SERGEF: variants seen among roughly 807,000 people sequenced by gnomAD.
SERGEF encodes the protein secretion-regulating guanine nucleotide exchange factor.
SERGEF carries 51 observed loss-of-function variants against 50.0 expected under a neutral mutation model. The observed-to-expected ratio is 1.02, with a 90% CI of 0.81 to 1.29. The LOEUF (loss-of-function observed/expected upper bound fraction) is 1.29. Ranked by LOEUF, SERGEF falls within the 50% of genes most tolerant of loss-of-function variation. The probability of loss-of-function intolerance (pLI) is 0.00; values close to 1 mark genes in which losing one functional copy is unlikely to be tolerated. For synonymous variants in SERGEF, 205 were observed against 212.4 expected (o/e 0.97, Z 0.30); for missense variants, 521 against 557.0 (o/e 0.94, Z 0.65).
Position 17,798,877 on chromosome 11 carries a change from G to T in SERGEF, c.1049-10464C>A, listed in dbSNP as rs148451267. Among the ~76,000 whole-genome samples, 327 of 152,334 alleles carry T rather than the reference G, an allele frequency of 2.1e-3. 1 individual carries two copies. Among genetic ancestry groups the T allele is most frequent in the African/African-American group, 7.7e-3 (319 of 41,576 alleles). Reference sequence around the variant, plus strand: ...TCACACTCTGTGGATGAGGAAACAGGCTGGGAGAGGTCCAGAAGCAAGCAC... The same window carrying T: ...TCACACTCTGTGGATGAGGAAACAGTCTGGGAGAGGTCCAGAAGCAAGCAC... On this transcript the variant is annotated intron_variant, in intron 10 of 10. Transcript: ENST00000265965.
At position 17,991,453 on chromosome 11, in the gene SERGEF, GA is replaced by G. The variant is rs1853709676; in HGVS notation, c.685+1477del. 6.6e-6 allele frequency among the ~76,000 whole-genome samples: 1 copy of G among 152,094 alleles called. No homozygotes were observed. Among genetic ancestry groups the G allele is most frequent in the South Asian group, 2.1e-4 (1 of 4,816 alleles). ...ACCTCGTAGTCTACTTTTATTCTCA[GA>G]AAAGAATGCCTTCTCCATCCCTCAT... On this transcript the variant is annotated intron_variant, in intron 7 of 10. Coordinates refer to ENST00000265965, the MANE Select transcript of SERGEF (RefSeq NM_012139.4). This position sits in a 1 kb window ranked among gnomAD's most constrained non-coding sequence, Gnocchi z 4.9.
intron 2 of SERGEF, among the ~76,000 whole-genome samples, chr11:18,007,208 G>A (rs1035424626): frequency 8.5e-5 from 13 of 152,094 alleles, no homozygotes; most frequent in Admixed American, 5.9e-4. Context: ...AATCTGGAGT[G>A]GATTCTATTA....
chr11:18,006,571 C>T lies in SERGEF; in HGVS notation c.352+20G>A, dbSNP rs1265981362. 1.9e-6 allele frequency: 3 copies of T among 1,604,124 alleles called. No homozygotes were observed. The highest frequency in any genetic ancestry group is 1.3e-5 in the African/African-American group (1 of 74,252). On this transcript the variant is annotated intron_variant, in intron 3 of 10. Coordinates refer to ENST00000265965, the MANE Select transcript of SERGEF (RefSeq NM_012139.4). ...CCAAAGCCTTTGTGGTGACAAAAAT[C>T]TACCTAGGAGTGAACTCACCTGTGA...
At chr11:17,835,692 C>T (rs1850385452) in intron 10 of SERGEF, among the ~76,000 whole-genome samples, 1 of 152,154 alleles carries the variant, frequency 6.6e-6, no homozygotes, top group Non-Finnish European at 1.5e-5. Flanking sequence ...ACTCAAATCC[C>T]AATTAAAATC....
chr11:18,000,471 TA>T, intron 5 of SERGEF, 25 bp downstream of exon 5: 4 of 1,498,990 alleles, frequency 2.7e-6, no homozygotes, highest in South Asian at 1.3e-5. Context: ...AAAATAAAAA[TA>T]AAAAAATAAA....
At chr11:17,944,767 A>G (rs1490275471) in intron 9 of SERGEF, among the ~76,000 whole-genome samples, 1 of 152,226 alleles carries the variant, frequency 6.6e-6, no homozygotes, top group Non-Finnish European at 1.5e-5. Context: ...CAGATCTCAC[A>G]TTTACAAAAC....
chr11:18,011,772 G>C (rs959422099), intron 1 of SERGEF, among the ~76,000 whole-genome samples: 4 of 152,192 alleles, frequency 2.6e-5, no homozygotes, highest in African/African-American at 9.6e-5. Context: ...CCTGGAAAAA[G>C]CCAGAGACAG....
chr11:17,790,654 A>C (rs1022315727), intron 10 of SERGEF, among the ~76,000 whole-genome samples: 1 of 152,248 alleles, frequency 6.6e-6, no homozygotes, highest in Non-Finnish European at 1.5e-5. Context: ...GTATTTGTAC[A>C]GGGTGATCCC....
At chr11:17,988,864 T>TA (rs1239266074) in intron 7 of SERGEF, 109 bp from the exon 8 acceptor site, 13 of 1,108,666 alleles carry the variant, frequency 1.2e-5, no homozygotes, top group Non-Finnish European at 1.7e-5. Flanking sequence ...GTTTTATACT[T>TA]AGACTACAAG....
At chr11:17,974,053 T>C (rs553879501) in intron 8 of SERGEF, among the ~76,000 whole-genome samples, 1 of 152,250 alleles carries the variant, frequency 6.6e-6, no homozygotes, top group South Asian at 2.1e-4. Context: ...TGACAAATGC[T>C]TGTCACATTC....
intron 10 of SERGEF, among the ~76,000 whole-genome samples, chr11:17,808,551 A>G (rs1184834599): frequency 6.6e-6 from 1 of 152,216 alleles, no homozygotes; most frequent in Non-Finnish European, 1.5e-5. Context: ...ACTTGCCAAC[A>G]GGCCCCACCT....
chr11:17,795,782 T>G (rs1193485554), intron 10 of SERGEF, among the ~76,000 whole-genome samples: 1 of 152,246 alleles, frequency 6.6e-6, no homozygotes, highest in Non-Finnish European at 1.5e-5. Context: ...TTTTGTGCCC[T>G]CAGGGTCCCC....
At position 17,813,753 on chromosome 11, in the gene SERGEF, G is replaced by C. The variant is rs1356697290; in HGVS notation, c.1049-25340C>G. On this transcript the variant is annotated intron_variant, in intron 10 of 10. Transcript: ENST00000265965. The stretch of plus-strand genomic sequence containing the variant: ...ATCAAACCTCAGAAACAAAAATAAG[G>C]AATGCAACACCGCAAACATTAGAGA... 2.0e-5 allele frequency among the ~76,000 whole-genome samples: 3 copies of C among 152,192 alleles called. No homozygotes were observed. The East Asian group carries it at 5.8e-4, about 29-fold the overall frequency.
intron 9 of SERGEF, among the ~76,000 whole-genome samples, chr11:17,912,909 T>C (rs1851981052): frequency 6.6e-6 from 1 of 152,220 alleles, no homozygotes; most frequent in South Asian, 2.1e-4. Context: ...ATTAGTAAAA[T>C]GGAGCAATAA....
chr11:17,826,414 T>A (rs1027767032), intron 10 of SERGEF, among the ~76,000 whole-genome samples: 5 of 152,098 alleles, frequency 3.3e-5, no homozygotes, highest in African/African-American at 1.2e-4. Context: ...CCAGTGGGAG[T>A]TTGAAGAACT....
chr11:17,897,828 T>C (rs1851675988), intron 9 of SERGEF, among the ~76,000 whole-genome samples: 1 of 152,196 alleles, frequency 6.6e-6, no homozygotes, highest in Non-Finnish European at 1.5e-5. Context: ...CAGCCTAGCA[T>C]GGAGAATGGG....
intron 8 of SERGEF, among the ~76,000 whole-genome samples, chr11:17,973,902 G>T (rs748982011): frequency 6.6e-6 from 1 of 152,154 alleles, no homozygotes; most frequent in African/African-American, 2.4e-5. Flanking sequence ...ACCGAAGGAG[G>T]CCACTGAGGA....
At chr11:17,808,595 T>G (rs190964064) in intron 10 of SERGEF, among the ~76,000 whole-genome samples, 1 of 152,286 alleles carries the variant, frequency 6.6e-6, no homozygotes, top group East Asian at 1.9e-4. Flanking sequence ...ACACGAGATT[T>G]GGAGGGGACA....
At chr11:17,810,806 GA>G (rs879258745) in intron 10 of SERGEF, among the ~76,000 whole-genome samples, 5,863 of 134,632 alleles carry the variant, frequency 0.044, 368 homozygotes, top group African/African-American at 0.15. Flanking sequence ...TACAGGTGAA[GA>G]AAAAAAAAAA....
Sources: allele counts gnomAD v4.1 joint callset (sites outside exome capture counted in the v4.1 genomes callset), GRCh38; gene constraint gnomAD v4.1.1; non-coding constraint Gnocchi (gnomAD v3.1); transcripts MANE v1.5; gene names NCBI Gene and HGNC (gene_info 2026-07-23, HGNC 2026-07-21).